NCOA1: variants seen among roughly 807,000 people sequenced by gnomAD.
NCOA1 encodes the protein nuclear receptor coactivator 1.
A neutral mutation model predicts 150.9 loss-of-function variants in NCOA1; 35 were observed. The observed-to-expected ratio is 0.23, with a 90% CI of 0.18 to 0.31. The LOEUF (loss-of-function observed/expected upper bound fraction) is 0.31. Ranked by LOEUF, NCOA1 falls within the 10% of genes least tolerant of loss-of-function variation. The pLI is 1.00. For missense variants in NCOA1, 1,491 were observed against 1,749.3 expected (o/e 0.85, Z 2.63); for synonymous variants, 590 against 630.0 (o/e 0.94, Z 0.95).
At chr2:24,626,515 G>GTTCT (rs1348009907) in intron 3 of NCOA1, among the ~76,000 whole-genome samples, 1 of 152,214 alleles carries the variant, frequency 6.6e-6, no homozygotes, top group Non-Finnish European at 1.5e-5. Context: ...GACTGAAGCA[G>GTTCT]TTCTAAGAAC....
rs995096048 is a variant in NCOA1 at position 24,539,913 on chromosome 2, C to G, written c.-395-24382C>G. 2.0e-5 allele frequency among the ~76,000 whole-genome samples: 3 copies of G among 152,154 alleles called. No individual in the cohort carries two copies. The East Asian group carries it at 5.8e-4, about 29-fold the overall frequency. On this transcript the variant is annotated intron_variant, in intron 1 of 22. Transcript: ENST00000348332. ...CTATGTATTCTAACACCAACTTGAG[C>G]AAAGTAAAGGATCTGTTTCCATGTG...
intron 4 of NCOA1, among the ~76,000 whole-genome samples, chr2:24,655,585 G>T (rs887468605): frequency 3.3e-5 from 5 of 152,130 alleles, no homozygotes; most frequent in Non-Finnish European, 7.4e-5. Flanking sequence ...TTAGTGAAGG[G>T]TTTTAAGTAA....
intron 4 of NCOA1, among the ~76,000 whole-genome samples, chr2:24,648,864 G>C (rs1670591705): frequency 6.6e-6 from 1 of 151,886 alleles, no homozygotes; most frequent in South Asian, 2.1e-4. Flanking sequence ...AAATTGAATA[G>C]CTTCTGATCT....
intron 5 of NCOA1, among the ~76,000 whole-genome samples, chr2:24,664,302 T>C (rs1671314785): frequency 6.6e-6 from 1 of 152,218 alleles, no homozygotes; most frequent in Non-Finnish European, 1.5e-5. Context: ...TTTGGTTTTG[T>C]TTTGGTATTT....
At chr2:24,504,410 T>G (rs1663605037) in intron 1 of NCOA1, among the ~76,000 whole-genome samples, 2 of 152,230 alleles carry the variant, frequency 1.3e-5, no homozygotes, top group South Asian at 4.1e-4. Flanking sequence ...AGGATACTAC[T>G]TAAGGGGCTA....
chr2:24,624,267 T>C (rs1669304257), intron 3 of NCOA1, among the ~76,000 whole-genome samples: 1 of 152,222 alleles, frequency 6.6e-6, no homozygotes, highest in Non-Finnish European at 1.5e-5. Flanking sequence ...CTTTGGGTCC[T>C]TGATAATTTT....
chr2:24,576,741 G>C (rs1407993301), intron 2 of NCOA1, among the ~76,000 whole-genome samples: 1 of 152,142 alleles, frequency 6.6e-6, no homozygotes, highest in East Asian at 1.9e-4. Context: ...CAGTGTTTCA[G>C]GTGTTTGGCT....
intron 1 of NCOA1, among the ~76,000 whole-genome samples, chr2:24,515,870 C>G (rs545202824): frequency 6.6e-6 from 1 of 152,276 alleles, no homozygotes; most frequent in South Asian, 2.1e-4. Context: ...TTTCCTAAAG[C>G]TAGTCTATAA....
rs1442757 is a variant in NCOA1 at position 24,518,367 on chromosome 2, A to T, written c.-396+26765A>T. On this transcript the variant is annotated intron_variant, in intron 1 of 22. Coordinates refer to ENST00000348332, the MANE Select transcript of NCOA1 (RefSeq NM_003743.5). ...GATAAATGGAGCATATTTATGAAAAACCTACGGTTTAACATTATACTTAAT... is the reference window on the plus strand; with the variant it reads ...GATAAATGGAGCATATTTATGAAAATCCTACGGTTTAACATTATACTTAAT... Among the ~76,000 whole-genome samples, 15 of 152,142 alleles carry T rather than the reference A, an allele frequency of 9.9e-5. No individual in the cohort carries two copies. The East Asian group carries it at 2.9e-3, about 29-fold the overall frequency.
chr2:24,508,276 G>A (rs1485212831), intron 1 of NCOA1, among the ~76,000 whole-genome samples: 1 of 151,970 alleles, frequency 6.6e-6, no homozygotes, highest in Non-Finnish European at 1.5e-5. Flanking sequence ...AAGGAAAAGG[G>A]GGGCTTATTT....
At chr2:24,576,160 T>TG (rs1666960183) in intron 2 of NCOA1, among the ~76,000 whole-genome samples, 1 of 93,140 alleles carries the variant, frequency 1.1e-5, no homozygotes, top group African/African-American at 4.5e-5. Context: ...TTTTTTTTTT[T>TG]TTGTTTTTTG....
intron 3 of NCOA1, among the ~76,000 whole-genome samples, chr2:24,614,787 T>C (rs1239302531): frequency 6.6e-6 from 1 of 152,208 alleles, no homozygotes; most frequent in Non-Finnish European, 1.5e-5. Context: ...TCATGTAAAC[T>C]TAGATAATTA....
intron 14 of NCOA1, among the ~76,000 whole-genome samples, chr2:24,724,478 C>A (rs1202858579): frequency 6.6e-6 from 1 of 152,122 alleles, no homozygotes; most frequent in Non-Finnish European, 1.5e-5. Flanking sequence ...AAACCAACTT[C>A]TTTTAAGCAT....
intron 2 of NCOA1, among the ~76,000 whole-genome samples, chr2:24,575,490 C>T (rs1193277903): frequency 6.6e-6 from 1 of 151,550 alleles, no homozygotes. Flanking sequence ...ATTTACATGT[C>T]TGGTAAATTT....
In NCOA1 at chr2:24,769,612, A is replaced by C. The variant is rs1158411162; in HGVS notation, c.*1221A>C. The C allele has an allele frequency of 4.9e-6, 1 of 205,406 alleles. No homozygotes were observed. Among genetic ancestry groups the C allele is most frequent in the Non-Finnish European group, 1.0e-5 (1 of 100,274 alleles). 12.7% of individuals were successfully genotyped at this position (205,406 alleles called of 1,614,324 possible). On this transcript the variant is annotated 3_prime_UTR_variant, in exon 23 of 23. Coordinates refer to ENST00000348332, the MANE Select transcript of NCOA1 (RefSeq NM_003743.5). ...AAGGAAATCTTCATTTTTTAGATTG[A>C]CTTTGGGAATTTGAATTTTCATCAG...
At chr2:24,543,906 C>T (rs1258767292) in intron 1 of NCOA1, among the ~76,000 whole-genome samples, 1 of 151,946 alleles carries the variant, frequency 6.6e-6, no homozygotes, top group Non-Finnish European at 1.5e-5. Context: ...AGAAAAATTA[C>T]TCAGATTGTA....
rs905707461 is a variant in NCOA1 at position 24,706,485 on chromosome 2, T to C, written c.1098-83T>C. Reference sequence around the variant, plus strand: ...CTTGCAATATTAATGAGATCAATGGTCTTGTTTTAGAATATGTATCATAAA... The same window carrying C: ...CTTGCAATATTAATGAGATCAATGGCCTTGTTTTAGAATATGTATCATAAA... On this transcript the variant is annotated intron_variant, in intron 12 of 22. Transcript: ENST00000348332. The C allele has an allele frequency of 2.1e-6, 3 of 1,401,294 alleles. No individual in the cohort carries two copies. The African/African-American group carries it at 4.4e-5, about 20-fold the overall frequency. The allele number at this position is 1,401,294 out of a possible 1,614,324, so 86.8% of individuals were successfully genotyped here. A position where few individuals can be genotyped will look rare whatever the true frequency, so the allele number is the denominator to read the frequency against.
At chr2:24,494,169 C>A (rs978909588) in intron 1 of NCOA1, among the ~76,000 whole-genome samples, 3 of 152,124 alleles carry the variant, frequency 2.0e-5, no homozygotes, top group African/African-American at 7.2e-5. Flanking sequence ...TATAGAGGTG[C>A]TGAAAGGTGG....
At chr2:24,613,540 A>G (rs1668734702) in intron 3 of NCOA1, among the ~76,000 whole-genome samples, 2 of 152,100 alleles carry the variant, frequency 1.3e-5, no homozygotes, top group Admixed American at 1.3e-4. Flanking sequence ...CTTGGCCCCA[A>G]GTTCTCTACA....
Sources: allele counts gnomAD v4.1 joint callset (sites outside exome capture counted in the v4.1 genomes callset), GRCh38; gene constraint gnomAD v4.1.1; transcripts MANE v1.5; gene names NCBI Gene and HGNC (gene_info 2026-07-23, HGNC 2026-07-21).